SYN2: variants seen among roughly 807,000 people sequenced by gnomAD.
SYN2 encodes synapsin-2.
SYN2 carries 19 observed loss-of-function variants against 50.9 expected under a neutral mutation model. The ratio of observed to expected loss-of-function variants is 0.37; its 90% CI spans 0.26 to 0.55. The LOEUF (loss-of-function observed/expected upper bound fraction) is 0.55. SYN2 is among the 20% of genes least tolerant of loss of function. SYN2 has a pLI of 0.81. For missense variants in SYN2, 587 were observed against 576.4 expected (o/e 1.02, Z -0.19); for synonymous variants, 255 against 224.9 (o/e 1.13, Z -1.20).
intron 1 of SYN2, among the ~76,000 whole-genome samples, chr3:12,138,393 G>C (rs1282060593): frequency 6.6e-6 from 1 of 152,192 alleles, no homozygotes; most frequent in African/African-American, 2.4e-5. Flanking sequence ...TTGGTCAATG[G>C]GCAGGTGCAG....
At chr3:12,150,222 G>T (rs938199808) in intron 4 of SYN2, among the ~76,000 whole-genome samples, 10 of 152,222 alleles carry the variant, frequency 6.6e-5, no homozygotes, top group African/African-American at 2.4e-4. Flanking sequence ...CTTCGAGTGT[G>T]AACTAATCCA....
intron 1 of SYN2, among the ~76,000 whole-genome samples, chr3:12,005,996 GTT>G (rs56407872): frequency 3.4e-5 from 5 of 145,992 alleles, no homozygotes; most frequent in South Asian, 2.2e-4. Flanking sequence ...CAAGGGTTTT[GTT>G]TTTTTTTTTT....
intron 1 of SYN2, among the ~76,000 whole-genome samples, chr3:12,130,826 A>G (rs1395524642): frequency 6.6e-6 from 1 of 152,222 alleles, no homozygotes; most frequent in Non-Finnish European, 1.5e-5. Flanking sequence ...AGCTGATGAT[A>G]CTAGACTGTC....
At chr3:12,133,889 C>T (rs1696839467) in intron 1 of SYN2, among the ~76,000 whole-genome samples, 1 of 152,108 alleles carries the variant, frequency 6.6e-6, no homozygotes, top group Non-Finnish European at 1.5e-5. Context: ...AGTCATTATC[C>T]TAGAATATTG....
intron 1 of SYN2, among the ~76,000 whole-genome samples, chr3:12,014,643 T>A (rs918412665): frequency 1.3e-5 from 2 of 152,296 alleles, no homozygotes; most frequent in South Asian, 2.1e-4. Flanking sequence ...TTCTGAAAAT[T>A]CGGTCTTCTT....
At chr3:12,044,870 T>C (rs1424327246) in intron 1 of SYN2, among the ~76,000 whole-genome samples, 2 of 152,236 alleles carry the variant, frequency 1.3e-5, no homozygotes, top group Non-Finnish European at 2.9e-5. Context: ...AATTGTGTGC[T>C]ACATACTGTG....
chr3:12,177,271 G>A (rs757305902), intron 10 of SYN2, among the ~76,000 whole-genome samples: 3 of 152,188 alleles, frequency 2.0e-5, no homozygotes, highest in Non-Finnish European at 2.9e-5. Flanking sequence ...CTTTGAATGC[G>A]TCCCAACACA....
rs758290025 is a variant in SYN2, at chr3:12,153,597, A to G, written c.774+2271A>G. 90 of 1,614,064 alleles carry G rather than the reference A, an allele frequency of 5.6e-5. No individual in the cohort carries two copies. The highest frequency in any genetic ancestry group is 7.5e-5 in the Non-Finnish European group (88 of 1,180,030). On this transcript the variant is annotated intron_variant, in intron 5 of 12. Coordinates refer to ENST00000621198, the MANE Select transcript of SYN2 (RefSeq NM_133625.6). ...GCTGCAGGTGCCGTCAACATGCTTC[A>G]TACAGACATAATGCTGAGCCTGGTA... is the stretch of plus-strand genomic sequence containing the variant.
At chr3:12,062,613 A>G (rs1178759151) in intron 1 of SYN2, among the ~76,000 whole-genome samples, 1 of 152,064 alleles carries the variant, frequency 6.6e-6, no homozygotes, top group Non-Finnish European at 1.5e-5. Context: ...TACCTAATAA[A>G]GGAATTGTAT....
intron 3 of SYN2, 34 bp from the exon 4 acceptor site, chr3:12,145,645 G>A (rs1233284893): frequency 6.2e-6 from 10 of 1,609,438 alleles, no homozygotes; most frequent in Admixed American, 5.0e-5. Flanking sequence ...TGAAGTGCTG[G>A]TTAATGGCAA....
intron 1 of SYN2, among the ~76,000 whole-genome samples, chr3:12,058,796 A>T (rs1449603069): frequency 1.3e-5 from 2 of 152,248 alleles, no homozygotes; most frequent in Non-Finnish European, 2.9e-5. Context: ...TTCTAAAAGC[A>T]GCAGTTACCT....
intron 4 of SYN2, 83 bp downstream of exon 4, chr3:12,145,918 C>T: frequency 6.4e-7 from 1 of 1,566,272 alleles, no homozygotes; most frequent in African/African-American, 1.3e-5. Context: ...ACTCAAGATG[C>T]AGTAGGCCCC....
chr3:12,117,696 G>T (rs1466857697), intron 1 of SYN2, among the ~76,000 whole-genome samples: 1 of 152,156 alleles, frequency 6.6e-6, no homozygotes, highest in Non-Finnish European at 1.5e-5. Flanking sequence ...TCTGCCTTGG[G>T]GTTGCAGTTA....
intron 1 of SYN2, among the ~76,000 whole-genome samples, chr3:12,050,340 ATTTTTTTTTTT>A (rs397877649): frequency 2.6e-5 from 3 of 113,314 alleles, no homozygotes; most frequent in Non-Finnish European, 5.7e-5. Flanking sequence ...GTTTGGAATG[ATTTTTTTTTTT>A]TTTTTTTTTT....
intron 1 of SYN2, among the ~76,000 whole-genome samples, chr3:12,048,813 G>A (rs991843982): frequency 2.6e-5 from 4 of 152,154 alleles, no homozygotes; most frequent in Admixed American, 6.5e-5. Flanking sequence ...ATGGTAGCTC[G>A]GGTTCAAATC....
rs371701508 is a variant in SYN2, at chr3:12,185,147, A to G, written c.1369+1775A>G. 9.7e-5 allele frequency: 96 copies of G among 985,842 alleles called. No homozygotes were observed. In the Middle Eastern group the frequency reaches 1.6e-3, roughly 16 times the overall value. The allele number at this position is 985,842 out of a possible 1,614,324, so 61.1% of individuals were successfully genotyped here. On this transcript the variant is annotated intron_variant, in intron 11 of 12. Transcript: ENST00000621198. ...GTTGATCTGTTGTAAATATATACAT[A>G]TATGCATATTTGCACTTCCAGATGG...
At position 12,160,465 on chromosome 3, in the gene SYN2, T is replaced by G. The variant is rs73141769; in HGVS notation, c.775-1081T>G. On this transcript the variant is annotated intron_variant, in intron 5 of 12. Coordinates refer to ENST00000621198, the MANE Select transcript of SYN2 (RefSeq NM_133625.6). Reference sequence around the variant, plus strand: ...TTTCATCAGGGTCAACATTATTTCCTTCAAAGGATACCTTTTCATTTTGAT... The same window carrying G: ...TTTCATCAGGGTCAACATTATTTCCGTCAAAGGATACCTTTTCATTTTGAT... Among the ~76,000 whole-genome samples the G allele has an allele frequency of 7.9e-3, 1,211 of 152,328 alleles. 15 individuals are homozygous for G. The highest frequency in any genetic ancestry group is 0.027 in the African/African-American group (1,136 of 41,570).
intron 1 of SYN2, among the ~76,000 whole-genome samples, chr3:12,096,494 G>T (rs1695937326): frequency 6.6e-6 from 1 of 151,910 alleles, no homozygotes; most frequent in Non-Finnish European, 1.5e-5. Flanking sequence ...TGAGAATAAA[G>T]CACATGGCTT....
chr3:12,035,260 C>G (rs1012177742), intron 1 of SYN2, among the ~76,000 whole-genome samples: 1 of 152,324 alleles, frequency 6.6e-6, no homozygotes, highest in South Asian at 2.1e-4. Flanking sequence ...CAGCCCTGCC[C>G]CCTTGGCTTT....
Sources: allele counts gnomAD v4.1 joint callset (sites outside exome capture counted in the v4.1 genomes callset), GRCh38; gene constraint gnomAD v4.1.1; transcripts MANE v1.5; gene names NCBI Gene and HGNC (gene_info 2026-07-23, HGNC 2026-07-21).